YEATS2: variants seen among roughly 807,000 people sequenced by gnomAD.
YEATS2 encodes the protein YEATS domain-containing protein 2.
A neutral mutation model predicts 163.2 loss-of-function variants in YEATS2; 77 were observed. The observed-to-expected ratio is 0.47, with a 90% CI of 0.39 to 0.57. The LOEUF is 0.57. Ranked by LOEUF, YEATS2 falls within the 20% of genes least tolerant of loss-of-function variation. YEATS2 has a pLI of 0.00. For missense variants in YEATS2, 1,549 were observed against 1,729.8 expected, an observed-to-expected ratio of 0.90 and a Z score of 1.85; for synonymous variants, 631 against 645.1, an observed-to-expected ratio of 0.98 and a Z score of 0.33.
At chr3:183,733,036 A>T (rs116487283) in intron 7 of YEATS2, among the ~76,000 whole-genome samples, 4,220 of 150,594 alleles carry the variant, frequency 0.028, 90 homozygotes, top group Middle Eastern at 0.07. Context: ...TAATTTTTTT[A>T]TCCAGGCTGG....
At chr3:183,769,605 A>G (rs830166) in intron 15 of YEATS2, among the ~76,000 whole-genome samples, 69,958 of 152,098 alleles carry the variant, frequency 0.46, 16,472 homozygotes, top group East Asian at 0.65. Context: ...ACTAACCTGG[A>G]AAACCAGATC....
intron 5 of YEATS2, among the ~76,000 whole-genome samples, chr3:183,724,000 A>G (rs1000896346): frequency 2.6e-5 from 4 of 152,198 alleles, no homozygotes; most frequent in Admixed American, 2.6e-4. Context: ...TATATAGCAA[A>G]CATTTAGCAT....
intron 15 of YEATS2, among the ~76,000 whole-genome samples, chr3:183,770,974 T>C (rs182132496): frequency 6.6e-6 from 1 of 152,340 alleles, no homozygotes; most frequent in East Asian, 1.9e-4. Context: ...TTGGTAAAAA[T>C]AATGCTATGT....
At chr3:183,730,990 GATAAGGGTTGGTGGTCAGAAAGTGGA>G (rs1717718588) in intron 7 of YEATS2, among the ~76,000 whole-genome samples, 1 of 152,086 alleles carries the variant, frequency 6.6e-6, no homozygotes. Flanking sequence ...AAACTGGAAA[GATAAGGGTTGGTGGTCAGAAAGTGGA>G]ATAGGCTGGG....
chr3:183,756,202 A>G (rs932286308), intron 11 of YEATS2, among the ~76,000 whole-genome samples: 1 of 152,268 alleles, frequency 6.6e-6, no homozygotes, highest in Non-Finnish European at 1.5e-5. Context: ...TTTCTGAACT[A>G]TAAGGTGCAT....
At chr3:183,779,899 C>T (rs1056543594) in intron 19 of YEATS2, among the ~76,000 whole-genome samples, 57 of 151,176 alleles carry the variant, frequency 3.8e-4, no homozygotes, top group African/African-American at 1.2e-3. Context: ...GGTTTCACCA[C>T]GTTGGTCAGG....
intron 22 of YEATS2, among the ~76,000 whole-genome samples, chr3:183,798,376 CAG>C (rs1375069381): frequency 2.6e-5 from 4 of 152,148 alleles, no homozygotes; most frequent in Non-Finnish European, 4.4e-5. Context: ...TCTTTTGAGA[CAG>C]AGTTTTGCTC....
intron 2 of YEATS2, among the ~76,000 whole-genome samples, chr3:183,717,262 TGTCATATCTCTTTA>T (rs1360402626): frequency 2.0e-5 from 3 of 152,220 alleles, no homozygotes; most frequent in African/African-American, 7.2e-5. Context: ...GGCATTTAGC[TGTCATATCTCTTTA>T]GTCTCTCTCA....
At chr3:183,800,933 CATCTT>C (rs912477346) in intron 24 of YEATS2, 4 of 193,470 alleles carry the variant, frequency 2.1e-5, no homozygotes, top group African/African-American at 9.4e-5. Context: ...ACACCTGCCT[CATCTT>C]AGCTGCCTCT....
chr3:183,729,738 G>C (rs1284305970), intron 7 of YEATS2, among the ~76,000 whole-genome samples: 1 of 151,394 alleles, frequency 6.6e-6, no homozygotes, highest in African/African-American at 2.4e-5. Flanking sequence ...GTGGTGTGCT[G>C]TTGGCTCACT....
At chr3:183,797,149 A>T (rs1053211316) in intron 21 of YEATS2, among the ~76,000 whole-genome samples, 1 of 151,898 alleles carries the variant, frequency 6.6e-6, no homozygotes, top group Non-Finnish European at 1.5e-5. Flanking sequence ...TGCGCCTGTA[A>T]TCCCAGCTAC....
intron 19 of YEATS2, among the ~76,000 whole-genome samples, chr3:183,779,964 G>A (rs540462439): frequency 2.9e-4 from 44 of 149,974 alleles, no homozygotes; most frequent in African/African-American, 1.1e-3. Context: ...CCAATGAACT[G>A]AGATTACAGG....
intron 11 of YEATS2, 126 bp from the exon 12 acceptor site, chr3:183,756,402 C>G: frequency 1.2e-6 from 1 of 833,344 alleles, no homozygotes; most frequent in Non-Finnish European, 1.8e-6. Flanking sequence ...CACGCAGTAT[C>G]CATTTTATTT....
chr3:183,786,003 G>T, intron 19 of YEATS2, 122 bp from the exon 20 acceptor site: 1 of 1,153,726 alleles, frequency 8.7e-7, no homozygotes, highest in Non-Finnish European at 1.2e-6. Context: ...ATGTAGGTTG[G>T]ATTGGTAAGA....
chr3:183,728,627 A>C, intron 6 of YEATS2, 63 bp from the exon 7 acceptor site: 2 of 1,417,540 alleles, frequency 1.4e-6, no homozygotes, highest in Non-Finnish European at 1.9e-6. Flanking sequence ...AGTAGGACTT[A>C]ATTATTTAGT....
At chr3:183,752,790 A>G (rs190851660) in intron 10 of YEATS2, among the ~76,000 whole-genome samples, 18 of 151,440 alleles carry the variant, frequency 1.2e-4, no homozygotes, top group Admixed American at 8.6e-4. Flanking sequence ...AAGATTTTTA[A>G]ATTTATTTTT....
At chr3:183,758,107 C>T (rs1160963304) in intron 12 of YEATS2, among the ~76,000 whole-genome samples, 1 of 152,128 alleles carries the variant, frequency 6.6e-6, no homozygotes, top group Non-Finnish European at 1.5e-5. Context: ...CCCATAATCC[C>T]AGCACTTTGG....
chr3:183,780,561 G>A (rs949625129), intron 19 of YEATS2, among the ~76,000 whole-genome samples: 1 of 152,094 alleles, frequency 6.6e-6, no homozygotes, highest in African/African-American at 2.4e-5. Flanking sequence ...TGCCTTTTCT[G>A]GTTTTTTTGG....
At chr3:183,719,802 C>T (rs966981946) in intron 4 of YEATS2, among the ~76,000 whole-genome samples, 1 of 152,118 alleles carries the variant, frequency 6.6e-6, no homozygotes, top group African/African-American at 2.4e-5. Flanking sequence ...GCCTCCAACT[C>T]CTGGGCTCAA....
Sources: gnomAD v4.1 joint callset for allele counts (sites outside exome capture counted in the v4.1 genomes callset) on GRCh38, gnomAD v4.1.1 for gene constraint, MANE v1.5 for transcripts, NCBI Gene and HGNC (gene_info 2026-07-23, HGNC 2026-07-21) for gene names.